Variants in GLDC observed in about 807,000 individuals in gnomAD.
GLDC encodes glycine dehydrogenase (decarboxylating), mitochondrial.
A neutral mutation model predicts 121.3 loss-of-function variants in GLDC; 104 were observed. The observed-to-expected ratio is 0.86, with a 90% confidence interval of 0.73 to 1.01. The LOEUF (loss-of-function observed/expected upper bound fraction) is 1.01. Ranked by LOEUF, GLDC falls within the 50% of genes least tolerant of loss-of-function variation. The pLI, the probability that GLDC is intolerant of heterozygous loss-of-function variation, is 0.00. For missense variants in GLDC, 1,429 were observed against 1,306.6 expected, an observed-to-expected ratio of 1.09 and a Z score of -1.44; for synonymous variants, 546 against 480.6, an observed-to-expected ratio of 1.14 and a Z score of -1.78.
chr9:6,581,074 A>C (rs1818162213), intron 15 of GLDC, among the ~76,000 whole-genome samples: 1 of 152,208 alleles, frequency 6.6e-6, no homozygotes, highest in African/African-American at 2.4e-5. Context: ...CTTGGTTGAA[A>C]GACAGCCCAT....
intron 7 of GLDC, among the ~76,000 whole-genome samples, chr9:6,602,499 C>T (rs948697940): frequency 5.3e-5 from 8 of 151,916 alleles, no homozygotes; most frequent in Admixed American, 1.3e-4. Context: ...GCATCAGCCT[C>T]CTGACACCAC....
chr9:6,599,619 G>A (rs1338663782), intron 8 of GLDC, among the ~76,000 whole-genome samples: 2 of 151,810 alleles, frequency 1.3e-5, no homozygotes, highest in South Asian at 2.1e-4. Flanking sequence ...TACTCAGGAG[G>A]CTGAGGCAAG....
At chr9:6,600,240 T>C (rs548629448) in intron 8 of GLDC, among the ~76,000 whole-genome samples, 14 of 152,210 alleles carry the variant, frequency 9.2e-5, no homozygotes, top group African/African-American at 3.1e-4. Context: ...TGGTGGAATG[T>C]ACCCATAGTC....
intron 10 of GLDC, 71 bp downstream of exon 10, chr9:6,592,780 G>T: frequency 7.0e-7 from 1 of 1,429,364 alleles, no homozygotes; most frequent in East Asian, 2.3e-5. Flanking sequence ...TAAAAACAAA[G>T]AGAAAACCTT....
intron 15 of GLDC, among the ~76,000 whole-genome samples, chr9:6,572,956 A>T (rs1001100769): frequency 8.6e-5 from 13 of 152,034 alleles, no homozygotes; most frequent in African/African-American, 3.1e-4. Flanking sequence ...TCCTGCAGCC[A>T]CCCGGGAGTT....
At chr9:6,546,835 A>C (rs1361122865) in intron 21 of GLDC, among the ~76,000 whole-genome samples, 2 of 151,710 alleles carry the variant, frequency 1.3e-5, no homozygotes. Context: ...GGTGATGAAC[A>C]CCTGTAGTCC....
In GLDC at chr9:6,622,629, A is replaced by G. The variant is rs900124430; in HGVS notation, c.335-2310T>C. On this transcript the variant is annotated intron_variant, in intron 2 of 24. Transcript: ENST00000321612. ...CCCAGCCGCCTGCCTTGGCCTCCCA[A>G]AGTGCCGAGATGGCAGCCTCTGCCC... 1.6e-3 allele frequency among the ~76,000 whole-genome samples: 237 copies of G among 152,030 alleles called. 1 individual carries two copies. The highest frequency in any genetic ancestry group is 5.5e-3 in the African/African-American group (230 of 41,470).
intron 2 of GLDC, chr9:6,622,792 G>C (rs943163222): frequency 8.7e-6 from 2 of 229,984 alleles, no homozygotes; most frequent in African/African-American, 4.8e-5. Flanking sequence ...CACCTAGGAA[G>C]TGAGGAGCGC....
intron 15 of GLDC, among the ~76,000 whole-genome samples, chr9:6,581,753 C>T (rs1818174132): frequency 6.6e-6 from 1 of 152,108 alleles, no homozygotes; most frequent in Admixed American, 6.5e-5. Context: ...TGACCAAAAG[C>T]TAATATTTAC....
At chr9:6,644,521 C>A in intron 2 of GLDC, 93 bp downstream of exon 2, 1 of 843,310 alleles carries the variant, frequency 1.2e-6, no homozygotes, top group Non-Finnish European at 2.0e-6. Context: ...CAGTCCTGAG[C>A]AATCCTTACC....
chr9:6,599,235 G>C (rs1025608204), intron 8 of GLDC, among the ~76,000 whole-genome samples: 1 of 151,580 alleles, frequency 6.6e-6, no homozygotes, highest in Non-Finnish European at 1.5e-5. Context: ...ACTGCAGACA[G>C]CCCAAATTCA....
chr9:6,604,507 G>T, intron 7 of GLDC, 81 bp downstream of exon 7: 3 of 1,277,692 alleles, frequency 2.3e-6, no homozygotes, highest in Non-Finnish European at 3.4e-6. Context: ...GTTGAATTCA[G>T]ATAGAAATCA....
intron 9 of GLDC, among the ~76,000 whole-genome samples, chr9:6,594,280 T>C (rs1818443706): frequency 6.6e-6 from 1 of 152,198 alleles, no homozygotes; most frequent in South Asian, 2.1e-4. Context: ...ACATTTAATG[T>C]CTTTTGCCTA....
intron 8 of GLDC, among the ~76,000 whole-genome samples, chr9:6,596,208 G>A (rs373563529): frequency 1.3e-5 from 2 of 152,190 alleles, no homozygotes; most frequent in African/African-American, 2.4e-5. Context: ...GACATTCACA[G>A]AATGCCCTGG....
chr9:6,643,814 G>A (rs1563876985), intron 2 of GLDC, among the ~76,000 whole-genome samples: 4 of 151,760 alleles, frequency 2.6e-5, no homozygotes, highest in African/African-American at 9.7e-5. Flanking sequence ...CAGACGGATT[G>A]CCTGAGGTCA....
chr9:6,543,385 A>C (rs571144710), intron 21 of GLDC, among the ~76,000 whole-genome samples: 2 of 152,248 alleles, frequency 1.3e-5, no homozygotes, highest in South Asian at 4.2e-4. Flanking sequence ...GGAGAGACAC[A>C]GTGGGGGAGG....
intron 2 of GLDC, among the ~76,000 whole-genome samples, chr9:6,630,092 C>G (rs949343364): frequency 3.5e-4 from 52 of 150,698 alleles, no homozygotes; most frequent in African/African-American, 1.2e-3. Flanking sequence ...ACCTGGTCTC[C>G]CTGTATATAT....
chr9:6,587,323 TAATAGC>T (rs2129832298), intron 14 of GLDC, 40 bp from the exon 15 acceptor site: 2 of 1,399,068 alleles, frequency 1.4e-6, no homozygotes, highest in Admixed American at 3.4e-5. Flanking sequence ...ATACATATTA[TAATAGC>T]AATAGCAATA....
chr9:6,640,387 G>A (rs1017591579), intron 2 of GLDC, among the ~76,000 whole-genome samples: 1 of 152,236 alleles, frequency 6.6e-6, no homozygotes, highest in Non-Finnish European at 1.5e-5. Flanking sequence ...ACAAGTCGTG[G>A]CCTCGGCCTG....
Sources: allele counts gnomAD v4.1 joint callset (sites outside exome capture counted in the v4.1 genomes callset), GRCh38; gene constraint gnomAD v4.1.1; transcripts MANE v1.5; gene names NCBI Gene and HGNC (gene_info 2026-07-23, HGNC 2026-07-21).